The following MASP2 variants were observed in gnomAD, a reference collection of about 807,000 sequenced individuals.
The protein encoded by MASP2 is MBL associated serine protease 2.
In MASP2, 49 loss-of-function variants were observed where a neutral mutation model predicts 57.1. The ratio of observed to expected loss-of-function variants is 0.86; its 90% CI spans 0.68 to 1.09. The LOEUF (loss-of-function observed/expected upper bound fraction) is 1.09. MASP2 is among the 50% of genes least tolerant of loss of function. The probability of loss-of-function intolerance (pLI) is 0.00; values close to 1 mark genes in which losing one functional copy is unlikely to be tolerated. For synonymous variants in MASP2, 379 were observed against 340.8 expected (o/e 1.11, Z -1.24); for missense variants, 900 against 874.8 (o/e 1.03, Z -0.36).
intron 7 of MASP2, among the ~76,000 whole-genome samples, chr1:11,036,376 C>T (rs908583580): frequency 1.1e-4 from 17 of 149,754 alleles, no homozygotes; most frequent in African/African-American, 2.4e-4. Flanking sequence ...CGGTGGCGGG[C>T]GCCTGTAGTC....
rs774753549 is a variant in MASP2, at chr1:11,034,960, C to T, written c.1009-54G>A. 35 of 1,298,474 alleles carry T rather than the reference C, an allele frequency of 2.7e-5. 1 individual carries two copies. Among genetic ancestry groups the T allele is most frequent in the Middle Eastern group, 2.5e-4 (1 of 4,030 alleles). The allele number at this position is 1,298,474 out of a possible 1,614,324, so 80.4% of individuals were successfully genotyped here. On this transcript the variant is annotated intron_variant, in intron 7 of 10. Transcript: ENST00000400897. ...TCCTTGTTTATATCATAAAATCACT[C>T]CCCAAAGCTGTGCTCTCACAGCAGT...
In MASP2 at chr1:11,040,229, G is replaced by A. The variant is rs146962492; in HGVS notation, c.890-2418C>T. Reference sequence around the variant, plus strand: ...CTCACGCCTGTAATCCCAGCACTTCGGGAGGCCAAGGCGGATGGATCACGA... The same window carrying A: ...CTCACGCCTGTAATCCCAGCACTTCAGGAGGCCAAGGCGGATGGATCACGA... On this transcript the variant is annotated intron_variant, in intron 6 of 10. Transcript: ENST00000400897. Among the ~76,000 whole-genome samples, 781 of 152,130 alleles carry A rather than the reference G, an allele frequency of 5.1e-3. 4 individuals are homozygous for A. Among genetic ancestry groups the A allele is most frequent in the Middle Eastern group, 0.02 (6 of 294 alleles).
In MASP2 at chr1:11,027,254, T is replaced by C; in HGVS notation, c.1692A>G (p.Thr564=). The C allele has an allele frequency of 6.2e-7, 1 of 1,614,234 alleles. No homozygotes were observed. The highest frequency in any genetic ancestry group is 8.5e-7 in the Non-Finnish European group (1 of 1,180,034). Residue 564 remains threonine, a synonymous_variant, in exon 11 of 11, where the codon ACA becomes ACG. Transcript: ENST00000400897. The part of the protein sequence containing the change: ...PRKEAESFMR[T]DDIGTASGWG... Reference sequence around the variant, plus strand: ...ATCCAGATGCAGTTCCAATGTCATCTGTCCTCATAAAGGATTCAGCTTCTT... The same window carrying C: ...ATCCAGATGCAGTTCCAATGTCATCCGTCCTCATAAAGGATTCAGCTTCTT...
intron 8 of MASP2, 82 bp downstream of exon 8, chr1:11,034,746 A>G: frequency 2.2e-6 from 2 of 902,972 alleles, no homozygotes; most frequent in Non-Finnish European, 3.3e-6. Context: ...ACAGAAAACC[A>G]GAGAAGCAAT....
chr1:11,045,649 C>G (rs1268288340), intron 3 of MASP2, 110 bp from the exon 4 acceptor site: 1 of 1,286,264 alleles, frequency 7.8e-7, no homozygotes, highest in Non-Finnish European at 1.1e-6. Context: ...GAGGAGGCCT[C>G]GTCCTGTCTA....
At chr1:11,031,544 A>AAAAAAAAAG (rs1643846549) in intron 8 of MASP2, among the ~76,000 whole-genome samples, 1 of 149,970 alleles carries the variant, frequency 6.7e-6, no homozygotes, top group Admixed American at 6.6e-5. Context: ...AAAAAAAAAA[A>AAAAAAAAAG]AAGGCTGCAG....
At chr1:11,043,913 G>A (rs1570755228) in intron 4 of MASP2, among the ~76,000 whole-genome samples, 1 of 144,122 alleles carries the variant, frequency 6.9e-6, no homozygotes, top group Admixed American at 6.9e-5. Flanking sequence ...CTCTGCCGGG[G>A]CGGGGGGCGG....
chr1:11,039,634 T>TAG (rs1456765431), intron 6 of MASP2, among the ~76,000 whole-genome samples: 5 of 86,482 alleles, frequency 5.8e-5, no homozygotes, highest in East Asian at 3.6e-4. Context: ...TGGGTGGATA[T>TAG]ATAGGTGGAT....
intron 7 of MASP2, among the ~76,000 whole-genome samples, chr1:11,036,699 T>G (rs1246694305): frequency 6.6e-6 from 1 of 150,524 alleles, no homozygotes; most frequent in Non-Finnish European, 1.5e-5. Flanking sequence ...TCCAATGTTA[T>G]TACTTTTTAC....
At chr1:11,031,083 C>T (rs557300781) in intron 8 of MASP2, among the ~76,000 whole-genome samples, 1 of 151,880 alleles carries the variant, frequency 6.6e-6, no homozygotes, top group Admixed American at 6.6e-5. Context: ...CCTGTTGTCC[C>T]AATTACTTGA....
At chr1:11,033,670 T>A (rs929422711) in intron 8 of MASP2, among the ~76,000 whole-genome samples, 4 of 149,922 alleles carry the variant, frequency 2.7e-5, no homozygotes, top group Non-Finnish European at 5.9e-5. Flanking sequence ...GAAAAAAATA[T>A]TGTCAAAGAA....
In MASP2 at chr1:11,034,910, A is replaced by T. The variant is rs1047356295; in HGVS notation, c.1009-4T>A. 7 of 1,602,602 alleles carry T rather than the reference A, an allele frequency of 4.4e-6. No individual in the cohort carries two copies. Among genetic ancestry groups the T allele is most frequent in the Non-Finnish European group, 6.0e-6 (7 of 1,171,722 alleles). On this transcript the variant is annotated splice_polypyrimidine_tract_variant and splice_region_variant and intron_variant, in intron 7 of 10. Coordinates refer to ENST00000400897, the MANE Select transcript of MASP2 (RefSeq NM_006610.4). Reference sequence around the variant, plus strand: ...AGGATTTCAGGGGCAAGTGACCCTAAAGAAGAATTCAGAATATATTAATTT... The same window carrying T: ...AGGATTTCAGGGGCAAGTGACCCTATAGAAGAATTCAGAATATATTAATTT...
chr1:11,039,522 AATGG>A (rs369339289), intron 6 of MASP2, among the ~76,000 whole-genome samples: 3,458 of 94,966 alleles, frequency 0.036, 134 homozygotes, highest in African/African-American at 0.12. Context: ...TGAATGGATG[AATGG>A]ATGGATGGGT....
At position 11,046,886 on chromosome 1, in the gene MASP2, G is replaced by T; in HGVS notation, c.234+5C>A. ...GAAACCCCAGCCCTCCCGTCCTGAC[G>T]GCACCTTGACGAAGTCGTACTCGCA... is the stretch of plus-strand genomic sequence containing the variant. On this transcript the variant is annotated splice_donor_5th_base_variant and intron_variant, in intron 2 of 10. Coordinates refer to ENST00000400897, the MANE Select transcript of MASP2 (RefSeq NM_006610.4). 6.4e-7 allele frequency: 1 copy of T among 1,562,292 alleles called. No homozygotes were observed. The highest frequency in any genetic ancestry group is 8.7e-7 in the Non-Finnish European group (1 of 1,152,774).
In MASP2 at chr1:11,039,330, GTGGATGGATGGATGGATGGATGGATGGA is replaced by G. The variant is rs57562185; in HGVS notation, c.890-1547_890-1520del. The stretch of plus-strand genomic sequence containing the variant: ...GGAATGATGGGTGGATGGAAGGATG[GTGGATGGATGGATGGATGGATGGATGGA>G]TGGATGGATGGATGGATGGATAGAT... On this transcript the variant is annotated intron_variant, in intron 6 of 10. Coordinates refer to ENST00000400897, the MANE Select transcript of MASP2 (RefSeq NM_006610.4). 7.5e-5 allele frequency among the ~76,000 whole-genome samples: 11 copies of G among 147,010 alleles called. No individual in the cohort carries two copies. In the South Asian group the frequency reaches 1.3e-3, roughly 18 times the overall value.
At chr1:11,029,224 T>A (rs564181167) in intron 10 of MASP2, among the ~76,000 whole-genome samples, 1 of 151,814 alleles carries the variant, frequency 6.6e-6, no homozygotes, top group South Asian at 2.1e-4. Flanking sequence ...ATGGTCTCGA[T>A]CTCCTGACCT....
chr1:11,040,858 G>GTGGATGGA (rs143927878), intron 6 of MASP2, among the ~76,000 whole-genome samples: 7 of 149,962 alleles, frequency 4.7e-5, no homozygotes, highest in Non-Finnish European at 1.0e-4. Flanking sequence ...GAATGGGTGG[G>GTGGATGGA]TGGATGGATG....
chr1:11,044,938 G>A, intron 4 of MASP2: 1 of 1,609,384 alleles, frequency 6.2e-7, no homozygotes, highest in Non-Finnish European at 8.5e-7. Flanking sequence ...CTCCAGGGGA[G>A]GCTAGAGGCT....
chr1:11,033,329 CAA>C (rs1224565421), intron 8 of MASP2, among the ~76,000 whole-genome samples: 1 of 127,956 alleles, frequency 7.8e-6, no homozygotes. Context: ...ACTGCGTCTC[CAA>C]AAAAAAAAAG....
Sources: allele counts gnomAD v4.1 joint callset (sites outside exome capture counted in the v4.1 genomes callset), GRCh38; gene constraint gnomAD v4.1.1; transcripts MANE v1.5; gene names NCBI Gene and HGNC (gene_info 2026-07-23, HGNC 2026-07-21).